The following FBXW10B variants were observed in gnomAD, a reference collection of about 807,000 sequenced individuals.
FBXW10B encodes F-box and WD repeat domain containing protein 10B.
chr17:15,597,516 C>A, the FBXW10B span, among the ~76,000 whole-genome samples: 1 of 151,396 alleles, frequency 6.6e-6, no homozygotes, highest in African/African-American at 2.4e-5. Context: ...AACTGTAGTC[C>A]CAGCTACTCG....
chr17:15,576,365 T>A, the FBXW10B span, among the ~76,000 whole-genome samples: 1 of 152,186 alleles, frequency 6.6e-6, no homozygotes, highest in South Asian at 2.1e-4. Context: ...ATGCTCAAAG[T>A]TTTATAATCT....
chr17:15,577,065 G>C, the FBXW10B span, among the ~76,000 whole-genome samples: 2 of 148,504 alleles, frequency 1.3e-5, no homozygotes, highest in Non-Finnish European at 3.0e-5. Flanking sequence ...TACCCAGCCA[G>C]GCTAAAGCTC....
At chr17:15,579,623 G>A in the FBXW10B span, among the ~76,000 whole-genome samples, 1 of 152,158 alleles carries the variant, frequency 6.6e-6, no homozygotes, top group Non-Finnish European at 1.5e-5. Context: ...TGACCAAGAA[G>A]TATGAAATTA....
the FBXW10B span, chr17:15,596,496 A>G: frequency 2.0e-5 from 31 of 1,557,560 alleles, no homozygotes; most frequent in African/African-American, 3.4e-4. Flanking sequence ...CCGCCAAGGT[A>G]GCCCACTGCC....
the FBXW10B span, among the ~76,000 whole-genome samples, chr17:15,617,463 T>TTGCC: frequency 6.6e-6 from 1 of 152,174 alleles, no homozygotes; most frequent in African/African-American, 2.4e-5. Context: ...CTCAATTCTC[T>TTGCC]TGCCTCCTGA....
chr17:15,573,962 A>G, the FBXW10B span: 1 of 524,696 alleles, frequency 1.9e-6, no homozygotes, highest in Non-Finnish European at 3.4e-6. Flanking sequence ...AGGAGAATAC[A>G]GAGGACAGTA....
chr17:15,604,667 T>G, the FBXW10B span, among the ~76,000 whole-genome samples: 1 of 152,120 alleles, frequency 6.6e-6, no homozygotes, highest in Non-Finnish European at 1.5e-5. Flanking sequence ...CCCGAGTAGC[T>G]GGGACTACAG....
chr17:15,597,558 G>A, the FBXW10B span, among the ~76,000 whole-genome samples: 64 of 151,884 alleles, frequency 4.2e-4, 2 homozygotes, highest in African/African-American at 1.3e-3. Flanking sequence ...ACTTGAACCC[G>A]GGAGGCAGAG....
the FBXW10B span, among the ~76,000 whole-genome samples, chr17:15,583,512 T>G: frequency 1.3e-5 from 2 of 148,640 alleles, no homozygotes; most frequent in African/African-American, 4.9e-5. Flanking sequence ...CTCACCACAT[T>G]ATATACAGTT....
chr17:15,612,695 A>C, the FBXW10B span: 1 of 1,613,874 alleles, frequency 6.2e-7, no homozygotes, highest in East Asian at 2.2e-5. Context: ...TGCTGTTGGA[A>C]CCCACCTTCG....
chr17:15,607,824 G>A, the FBXW10B span: 2 of 672,820 alleles, frequency 3.0e-6, no homozygotes, highest in Admixed American at 3.0e-5. Context: ...CTGCAGAGAA[G>A]GGAGCAGCCA....
the FBXW10B span, among the ~76,000 whole-genome samples, chr17:15,568,552 C>A: frequency 2.6e-5 from 4 of 151,760 alleles, no homozygotes; most frequent in Non-Finnish European, 4.4e-5. Context: ...CCTCCTCCAC[C>A]TACTCTAGTT....
At chr17:15,567,015 T>C in the FBXW10B span, among the ~76,000 whole-genome samples, 1 of 151,228 alleles carries the variant, frequency 6.6e-6, no homozygotes, top group African/African-American at 2.4e-5. Flanking sequence ...CTCACGCCTG[T>C]AATCCCAGCA....
At chr17:15,596,498 C>T in the FBXW10B span, 4,356 of 1,559,356 alleles carry the variant, frequency 2.8e-3, 88 homozygotes, top group African/African-American at 0.05. Context: ...GCCAAGGTAG[C>T]CCACTGCCCA....
the FBXW10B span, chr17:15,571,423 T>A: frequency 6.6e-6 from 1 of 151,792 alleles, no homozygotes; most frequent in Non-Finnish European, 1.5e-5. Flanking sequence ...AGCAAAAGAT[T>A]TTCAACGTCA....
the FBXW10B span, among the ~76,000 whole-genome samples, chr17:15,585,379 G>C: frequency 6.6e-5 from 10 of 152,258 alleles, no homozygotes; most frequent in Non-Finnish European, 1.3e-4. Context: ...TCTCCATCAA[G>C]GTCAAGACAC....
the FBXW10B span, among the ~76,000 whole-genome samples, chr17:15,576,059 T>C: frequency 1.3e-5 from 2 of 152,332 alleles, no homozygotes; most frequent in African/African-American, 4.8e-5. Context: ...CGGTTAAAAT[T>C]GGAGTTTCTG....
the FBXW10B span, among the ~76,000 whole-genome samples, chr17:15,598,081 T>C: frequency 6.6e-6 from 1 of 152,076 alleles, no homozygotes; most frequent in East Asian, 1.9e-4. Context: ...GGCCCATTTA[T>C]AAAATTATCA....
chr17:15,611,497 C>T, the FBXW10B span, among the ~76,000 whole-genome samples: 1 of 152,170 alleles, frequency 6.6e-6, no homozygotes, highest in African/African-American at 2.4e-5. Context: ...TTAGCCAGAA[C>T]TGATGAGCAG....
Sources: gnomAD v4.1 joint callset for allele counts (sites outside exome capture counted in the v4.1 genomes callset) on GRCh38, gnomAD v4.1.1 for gene constraint, MANE v1.5 for transcripts, NCBI Gene and HGNC (gene_info 2026-07-23, HGNC 2026-07-21) for gene names.